Variants in FRYL observed in about 807,000 individuals in gnomAD.
The protein encoded by FRYL is protein furry homolog-like.
Under a neutral mutation model 351.2 loss-of-function variants are expected in FRYL, and 150 were observed. The observed-to-expected ratio is 0.43, with a 90% CI of 0.37 to 0.49. The LOEUF (loss-of-function observed/expected upper bound fraction) is 0.49, where lower values mean the gene tolerates loss of function less well. Ranked by LOEUF, FRYL falls within the 20% of genes least tolerant of loss-of-function variation. FRYL has a pLI of 0.00. For missense variants in FRYL, 3,036 were observed against 3,619.3 expected, an observed-to-expected ratio of 0.84 and a Z score of 4.13; for synonymous variants, 1,153 against 1,257.1, an observed-to-expected ratio of 0.92 and a Z score of 1.75.
In FRYL at chr4:48,591,458, C is replaced by T. The variant is rs759346621; in HGVS notation, c.1336-628G>A. On this transcript the variant is annotated intron_variant, in intron 16 of 63. Transcript: ENST00000358350. The stretch of plus-strand genomic sequence containing the variant: ...CTTTCCCCAAATACTTCCCTGAAGC[C>T]ATTCTCACTCATCAGTTACCATATT... Among the ~76,000 whole-genome samples the T allele has an allele frequency of 7.2e-5, 11 of 152,270 alleles. No individual in the cohort carries two copies. The South Asian group carries it at 1.0e-3, about 14-fold the overall frequency.
At position 48,497,440 on chromosome 4, in the gene FRYL, A is replaced by G. The variant is rs1718691725; in HGVS notation, c.*1982T>C. The G allele has an allele frequency of 1.3e-5, 2 of 152,748 alleles. No homozygotes were observed. The highest frequency in any genetic ancestry group is 4.8e-5 in the African/African-American group (2 of 41,576). The allele number at this position is 152,748 out of a possible 1,614,324, so 9.5% of individuals were successfully genotyped here. On this transcript the variant is annotated 3_prime_UTR_variant, in exon 64 of 64. Transcript: ENST00000358350. Reference sequence around the variant, plus strand: ...AAACACAAAAAGCAAATATCAACTGAAAGGTTTGGTTGGGTAGTCAACTAA... The same window carrying G: ...AAACACAAAAAGCAAATATCAACTGGAAGGTTTGGTTGGGTAGTCAACTAA...
intron 6 of FRYL, among the ~76,000 whole-genome samples, chr4:48,619,708 C>T (rs1750267787): frequency 6.6e-6 from 1 of 152,064 alleles, no homozygotes; most frequent in Non-Finnish European, 1.5e-5. Context: ...CCCTATATTG[C>T]CCAGACTGGT....
Position 48,543,968 on chromosome 4 carries a change from C to T in FRYL, c.5431G>A (p.Glu1811Lys), listed in dbSNP as rs1432692789. The T allele has an allele frequency of 1.5e-5, 24 of 1,613,602 alleles. No homozygotes were observed. The highest frequency in any genetic ancestry group is 1.8e-5 in the Non-Finnish European group (21 of 1,179,768). ...GAAAGTGCTGTTTGCAGAGCAACTT[C>T]ACTAAGATGATGTTCCAGATGAATT... ...EGIHLEHHLS[E>K]VALQTALSCS... Residue 1811 changes from glutamate to lysine, a missense_variant, in exon 44 of 64, where the codon GAA (glutamate) becomes AAA (lysine). By Grantham distance (56) the Glu-to-Lys change is moderately conservative. This residue lies in a region of FRYL where 1,987 missense variants were observed against 2,311.7 expected (regional missense o/e 0.86). Coordinates refer to ENST00000358350, the MANE Select transcript of FRYL (RefSeq NM_015030.2).
At chr4:48,552,929 T>C (rs1733199290) in intron 36 of FRYL, among the ~76,000 whole-genome samples, 1 of 152,150 alleles carries the variant, frequency 6.6e-6, no homozygotes, top group Admixed American at 6.5e-5. Flanking sequence ...AGGAACATAG[T>C]TTCTTCATAC....
intron 59 of FRYL, chr4:48,506,675 CATT>C (rs1315871337): frequency 9.1e-6 from 1 of 110,466 alleles, no homozygotes; most frequent in African/African-American, 3.7e-5. Flanking sequence ...TATATGAAAT[CATT>C]AGGACTTTGA....
intron 2 of FRYL, 46 bp downstream of exon 2, chr4:48,710,473 A>C (rs1767881957): frequency 2.5e-6 from 1 of 398,584 alleles, no homozygotes; most frequent in Non-Finnish European, 4.4e-6. Context: ...CTCATATATA[A>C]AAAAGGAAAG....
chr4:48,621,844 CTCCTTTAATAA>C (rs1359450013), intron 5 of FRYL, among the ~76,000 whole-genome samples: 1 of 152,130 alleles, frequency 6.6e-6, no homozygotes, highest in Non-Finnish European at 1.5e-5. Flanking sequence ...TACTTGTACT[CTCCTTTAATAA>C]TCCTTTTATT....
At chr4:48,753,341 GGGAAGGT>G (rs1461584218) in intron 1 of FRYL, among the ~76,000 whole-genome samples, 31 of 152,076 alleles carry the variant, frequency 2.0e-4, no homozygotes, top group Admixed American at 1.8e-3. Flanking sequence ...GAAGTTAGGG[GGGAAGGT>G]GGAGAAAAGA....
chr4:48,520,666 T>G (rs1724716238), intron 55 of FRYL: 1 of 155,598 alleles, frequency 6.4e-6, no homozygotes, highest in South Asian at 2.1e-4. Context: ...GAGGTTTTAA[T>G]CCCAATCACA....
At chr4:48,658,708 T>A (rs897768674) in intron 3 of FRYL, among the ~76,000 whole-genome samples, 3 of 151,346 alleles carry the variant, frequency 2.0e-5, no homozygotes, top group African/African-American at 7.3e-5. Flanking sequence ...GAGCCATGAA[T>A]GCGCCACTGC....
At chr4:48,698,891 A>T (rs564392864) in intron 2 of FRYL, among the ~76,000 whole-genome samples, 2 of 152,214 alleles carry the variant, frequency 1.3e-5, no homozygotes, top group South Asian at 4.2e-4. Context: ...AGAATTCAGA[A>T]TTGGTTCACT....
At chr4:48,578,894 C>T in intron 23 of FRYL, 79 bp downstream of exon 23, 8 of 1,277,664 alleles carry the variant, frequency 6.3e-6, no homozygotes, top group Middle Eastern at 1.9e-4. Flanking sequence ...ATCTGTAATA[C>T]TTTTGAATTT....
rs776783190 is a variant in FRYL, at chr4:48,562,926, G to C, written c.3659C>G (p.Ser1220Cys). The C allele has an allele frequency of 2.5e-6, 4 of 1,608,200 alleles. No individual in the cohort carries two copies. Among genetic ancestry groups the C allele is most frequent in the Non-Finnish European group, 3.4e-6 (4 of 1,175,674 alleles). The change falls in exon 32 of 64, where the codon TCT (serine) becomes TGT (cysteine). Residue 1220 changes from serine to cysteine, a missense_variant. Ser to Cys is a moderately radical substitution (Grantham distance 112). Coordinates refer to ENST00000358350, the MANE Select transcript of FRYL (RefSeq NM_015030.2). ...NLILFKAADSSRSIYEVAMQL... is the reference protein window; with the variant it reads ...NLILFKAADSCRSIYEVAMQL... ...CATAGCAACTTCATAGATACTTCTA[G>C]AAGAATCAGCTGCTTTAAACAGTAT...
At chr4:48,615,047 C>G (rs188059807) in intron 7 of FRYL, among the ~76,000 whole-genome samples, 1 of 151,984 alleles carries the variant, frequency 6.6e-6, no homozygotes, top group Non-Finnish European at 1.5e-5. Flanking sequence ...AAGATGGTCT[C>G]GATCTCCTGA....
intron 29 of FRYL, among the ~76,000 whole-genome samples, 176 bp downstream of exon 29, chr4:48,565,355 G>T (rs765881422): frequency 1.5e-4 from 23 of 152,032 alleles, no homozygotes; most frequent in Admixed American, 2.6e-4. Context: ...GTAGATTCTG[G>T]AACTGTTTTT....
At chr4:48,538,062 G>C (rs1172964553) in intron 47 of FRYL, among the ~76,000 whole-genome samples, 2 of 152,046 alleles carry the variant, frequency 1.3e-5, no homozygotes, top group African/African-American at 2.4e-5. Context: ...AATAAATTTT[G>C]TATTACGATT....
chr4:48,718,524 C>A (rs1050182816), intron 1 of FRYL, among the ~76,000 whole-genome samples: 1 of 151,522 alleles, frequency 6.6e-6, no homozygotes, highest in Non-Finnish European at 1.5e-5. Context: ...AAGTACACTA[C>A]TATTATTCCA....
intron 31 of FRYL, among the ~76,000 whole-genome samples, 172 bp downstream of exon 31, chr4:48,563,776 T>G (rs1164326564): frequency 6.6e-6 from 1 of 151,792 alleles, no homozygotes. Flanking sequence ...GCATTTTATA[T>G]AGAAGGCTAG....
At chr4:48,505,146 A>C (rs1297698993) in intron 60 of FRYL, among the ~76,000 whole-genome samples, 2 of 152,158 alleles carry the variant, frequency 1.3e-5, no homozygotes, top group African/African-American at 4.8e-5. Flanking sequence ...TTCTAATTTT[A>C]CCTTTAACAT....
Sources: allele counts gnomAD v4.1 joint callset (sites outside exome capture counted in the v4.1 genomes callset), GRCh38; gene constraint gnomAD v4.1.1; regional missense constraint gnomAD v4.1.1; transcripts MANE v1.5; gene names NCBI Gene and HGNC (gene_info 2026-07-23, HGNC 2026-07-21).